The following ATP9B variants were observed in gnomAD, a reference collection of about 807,000 sequenced individuals.
The protein encoded by ATP9B is ATPase phospholipid transporting 9B.
Under a neutral mutation model 146.1 loss-of-function variants are expected in ATP9B, and 110 were observed. The ratio of observed to expected loss-of-function variants is 0.75; its 90% CI spans 0.65 to 0.88. The LOEUF is 0.88. Among genes scored for constraint, ATP9B ranks in the 40% least tolerant of loss-of-function variants. ATP9B has a pLI of 0.00. For synonymous variants in ATP9B, 604 were observed against 569.7 expected (o/e 1.06, Z -0.86); for missense variants, 1,499 against 1,496.4 (o/e 1.00, Z -0.03).
chr18:79,209,138 G>C (rs992822445), intron 10 of ATP9B, among the ~76,000 whole-genome samples: 2 of 152,190 alleles, frequency 1.3e-5, no homozygotes, highest in Admixed American at 1.3e-4. Flanking sequence ...ATAGAGCCAG[G>C]CTGCACAGGG....
At chr18:79,366,004 G>A (rs1486091528) in intron 26 of ATP9B, among the ~76,000 whole-genome samples, 2 of 152,290 alleles carry the variant, frequency 1.3e-5, no homozygotes, top group African/African-American at 4.8e-5. Context: ...CAGTGGGATT[G>A]TGCTTAGCAG....
At chr18:79,324,051 A>G (rs1239342217) in intron 15 of ATP9B, among the ~76,000 whole-genome samples, 1 of 152,168 alleles carries the variant, frequency 6.6e-6, no homozygotes, top group Non-Finnish European at 1.5e-5. Context: ...ATTAAAGGAT[A>G]TTGAGCATGC....
At position 79,280,803 on chromosome 18, in the gene ATP9B, G is replaced by A. The variant is rs113820830; in HGVS notation, c.1411+3607G>A. 3.6e-3 allele frequency among the ~76,000 whole-genome samples: 550 copies of A among 151,988 alleles called. 1 individual carries two copies. Among genetic ancestry groups the A allele is most frequent in the Admixed American group, 6.0e-3 (92 of 15,272 alleles). On this transcript the variant is annotated intron_variant, in intron 13 of 29. Transcript: ENST00000426216. Reference sequence around the variant, plus strand: ...TCTGATCACAATAAAAAAGAGATGAGTTAGAAGTTAATAACAAAGAAATAA... The same window carrying A: ...TCTGATCACAATAAAAAAGAGATGAATTAGAAGTTAATAACAAAGAAATAA...
intron 6 of ATP9B, among the ~76,000 whole-genome samples, chr18:79,152,094 T>C (rs933815899): frequency 1.2e-4 from 19 of 152,178 alleles, no homozygotes; most frequent in African/African-American, 4.3e-4. Context: ...CATTGGTCAT[T>C]AGAGAAAAGC....
rs3833178 is a variant in ATP9B at position 79,359,567 on chromosome 18, GA to G, written c.3012+110del. ...CAGGAGGCATTTCCAGGCATTTTGT[GA>G]AAAACGATTCTCTGTCCTTGAAGAT... On this transcript the variant is annotated intron_variant, in intron 26 of 29. Transcript: ENST00000426216. The G allele has an allele frequency of 1.9e-5, 16 of 832,716 alleles. No individual in the cohort carries two copies. In the East Asian group the frequency reaches 4.0e-4, roughly 21 times the overall value. 51.6% of individuals were successfully genotyped at this position (832,716 alleles called of 1,614,324 possible). A position where few individuals can be genotyped will look rare whatever the true frequency, so the allele number is the denominator to read the frequency against.
rs762939733 is a variant in ATP9B at position 79,373,932 on chromosome 18, C to A, written c.3105C>A (p.Phe1035Leu). ...GILMYGALVLFESEFVHVVAI... is the reference protein window; with the variant it reads ...GILMYGALVLLESEFVHVVAI... ...TCATGTATGGGGCCCTGGTGCTCTT[C>A]GAGTCTGAGTTCGTCCACGTGGTGG... Residue 1035 changes from phenylalanine (F) to leucine (L), a missense_variant, in exon 28 of 30, where the codon TTC (phenylalanine) becomes TTA (leucine). Physicochemically the swap from Phe to Leu is conservative, Grantham distance 22. Transcript: ENST00000426216. 1 of 1,613,298 alleles carries A rather than the reference C, an allele frequency of 6.2e-7. No homozygotes were observed. Among genetic ancestry groups the A allele is most frequent in the Non-Finnish European group, 8.5e-7 (1 of 1,180,030 alleles).
At chr18:79,351,557 C>G (rs928056679) in intron 25 of ATP9B, among the ~76,000 whole-genome samples, 2 of 152,174 alleles carry the variant, frequency 1.3e-5, no homozygotes, top group Non-Finnish European at 2.9e-5. Flanking sequence ...GATGTTTTTA[C>G]AAAATAACAT....
At chr18:79,181,502 T>A (rs2095251810) in intron 8 of ATP9B, among the ~76,000 whole-genome samples, 1 of 152,170 alleles carries the variant, frequency 6.6e-6, no homozygotes, top group Non-Finnish European at 1.5e-5. Flanking sequence ...GTCTAACTAC[T>A]CATATTAAAA....
chr18:79,163,228 A>G (rs768872176), intron 7 of ATP9B, among the ~76,000 whole-genome samples: 1 of 152,190 alleles, frequency 6.6e-6, no homozygotes, highest in Non-Finnish European at 1.5e-5. Flanking sequence ...TTTTAACTGT[A>G]CTTAACTTGA....
chr18:79,373,950 CGTG>C lies in ATP9B; in HGVS notation c.3128_3130del (p.Val1043del), dbSNP rs1348184735. On this transcript the variant is annotated inframe_deletion, in exon 28 of 30. Transcript: ENST00000426216. ...TGCTCTTCGAGTCTGAGTTCGTCCA[CGTG>C]GTGGCCATCTCCTTCACCGCACTGA... The C allele has an allele frequency of 1.2e-6, 2 of 1,613,698 alleles. No individual in the cohort carries two copies. Among genetic ancestry groups the C allele is most frequent in the Non-Finnish European group, 1.7e-6 (2 of 1,180,040 alleles).
chr18:79,277,263 GTA>G, intron 13 of ATP9B, 67 bp downstream of exon 13: 1 of 1,567,746 alleles, frequency 6.4e-7, no homozygotes, highest in East Asian at 2.2e-5. Flanking sequence ...ATAGCATAGC[GTA>G]TAGATATATG....
chr18:79,273,963 A>T (rs909976374), intron 12 of ATP9B, among the ~76,000 whole-genome samples: 2 of 152,184 alleles, frequency 1.3e-5, no homozygotes, highest in African/African-American at 4.8e-5. Context: ...TTCATTTTTC[A>T]TATTGCATAA....
chr18:79,307,435 G>A (rs541084515), intron 15 of ATP9B: 242 of 722,230 alleles, frequency 3.4e-4, no homozygotes, highest in Non-Finnish European at 4.3e-4. Context: ...ACATGCAAAT[G>A]TGCGGCCGCC....
chr18:79,161,773 G>A (rs1369919112), intron 7 of ATP9B, among the ~76,000 whole-genome samples: 1 of 152,174 alleles, frequency 6.6e-6, no homozygotes, highest in African/African-American at 2.4e-5. Flanking sequence ...GTGAACCCGG[G>A]AGGCGGAGCT....
intron 13 of ATP9B, among the ~76,000 whole-genome samples, chr18:79,297,405 C>T (rs1401467782): frequency 6.6e-6 from 1 of 152,142 alleles, no homozygotes; most frequent in African/African-American, 2.4e-5. Flanking sequence ...AGAGAGGAGA[C>T]ACAGACGACC....
intron 23 of ATP9B, among the ~76,000 whole-genome samples, chr18:79,346,525 G>A (rs1227489206): frequency 9.2e-6 from 1 of 109,250 alleles, no homozygotes; most frequent in Non-Finnish European, 1.9e-5. Context: ...TGTGTTCAGT[G>A]CACAGTCAGC....
intron 11 of ATP9B, among the ~76,000 whole-genome samples, chr18:79,245,647 C>CTG (rs1455525212): frequency 1.3e-4 from 18 of 140,336 alleles, no homozygotes; most frequent in South Asian, 2.3e-4. Flanking sequence ...GCCCTACTGA[C>CTG]TGAGGAGGGT....
rs2094744172 is a variant in ATP9B at position 79,154,549 on chromosome 18, A to C, written c.772A>C (p.Lys258Gln). The C allele has an allele frequency of 6.6e-7, 1 of 1,526,470 alleles. No homozygotes were observed. The allele number at this position is 1,526,470 out of a possible 1,614,324, so 94.6% of individuals were successfully genotyped here. ...CATGGTGTTTCTTAGGACTTCAGAA[A>C]AAGCAGGTATTTTTACATTTAAAAA... ...SDMVFLRTSE[K>Q]AGSCFIRTDQ... Residue 258 changes from lysine to glutamine, a missense_variant, in exon 7 of 30, where the codon AAA becomes CAA. Lys to Gln is a moderately conservative substitution (Grantham distance 53). Transcript: ENST00000426216.
chr18:79,219,724 C>G (rs1273200286), intron 11 of ATP9B, among the ~76,000 whole-genome samples: 1 of 152,076 alleles, frequency 6.6e-6, no homozygotes, highest in Non-Finnish European at 1.5e-5. Flanking sequence ...TTCCTTTCTT[C>G]ATTACAGTGT....
Sources: gnomAD v4.1 joint callset for allele counts (sites outside exome capture counted in the v4.1 genomes callset) on GRCh38, gnomAD v4.1.1 for gene constraint, MANE v1.5 for transcripts, NCBI Gene and HGNC (gene_info 2026-07-23, HGNC 2026-07-21) for gene names.